Variants in PCGF2 observed in about 807,000 individuals in gnomAD.
PCGF2 encodes the protein polycomb group RING finger protein 2.
PCGF2 carries 8 observed loss-of-function variants against 36.1 expected under a neutral mutation model. The observed-to-expected ratio is 0.22, with a 90% CI of 0.13 to 0.40. PCGF2 has a LOEUF of 0.40. PCGF2 is among the 10% of genes least tolerant of loss of function. PCGF2 has a pLI of 1.00. For missense variants in PCGF2, 436 were observed against 475.9 expected (o/e 0.92, Z 0.78); for synonymous variants, 198 against 191.2 (o/e 1.04, Z -0.29).
At chr17:38,738,662 C>G in intron 7 of PCGF2, 67 bp from the exon 8 acceptor site, 1 of 1,547,996 alleles carries the variant, frequency 6.5e-7, no homozygotes, top group Non-Finnish European at 8.8e-7. Flanking sequence ...GAGGATGATC[C>G]CTCAATGGAC....
intron 2 of PCGF2, among the ~76,000 whole-genome samples, chr17:38,744,813 A>C (rs1442632072): frequency 1.3e-5 from 2 of 152,120 alleles, no homozygotes; most frequent in Non-Finnish European, 2.9e-5. Flanking sequence ...CCTGCCTCCA[A>C]ATGAAATCAG....
chr17:38,740,823 C>T (rs1420047709), intron 2 of PCGF2, among the ~76,000 whole-genome samples: 2 of 152,012 alleles, frequency 1.3e-5, no homozygotes, highest in African/African-American at 4.8e-5. Flanking sequence ...CTCCACACCT[C>T]CCCCCACCAG....
intron 2 of PCGF2, among the ~76,000 whole-genome samples, chr17:38,746,091 G>A (rs534402614): frequency 2.0e-5 from 3 of 152,114 alleles, no homozygotes; most frequent in Non-Finnish European, 4.4e-5. Context: ...ATGGCACAAA[G>A]ATCTGCTCCC....
Position 38,740,537 on chromosome 17 carries a change from A to T in PCGF2, c.-40-95T>A, listed in dbSNP as rs555020817. On this transcript the variant is annotated intron_variant, in intron 2 of 10. Coordinates refer to ENST00000620225, the MANE Select transcript of PCGF2 (RefSeq NM_007144.3). ...CACTTTGGGAGGCCAAGGCGGGCGG[A>T]TCACGAGGTCAGGAGATTGAGACCA... is the stretch of plus-strand genomic sequence containing the variant. The T allele has an allele frequency of 4.9e-6, 4 of 809,922 alleles. No individual in the cohort carries two copies. The South Asian group carries it at 5.3e-5, about 11-fold the overall frequency. The allele number at this position is 809,922 out of a possible 1,614,324, so 50.2% of individuals were successfully genotyped here.
Position 38,738,383 on chromosome 17 carries a change from G to T in PCGF2, c.546C>A (p.Arg182=), listed in dbSNP as rs1440473619. ...MTVMHLAKFL[R]NKMDVPSKYK... ...ACTTGCTGGGCACATCCATCTTGTT[G>T]CGGAGAAACTTGGCAAGATGCATGA... The change falls in exon 9 of 11, where the codon CGC becomes CGA. Residue 182 remains arginine (R), a synonymous_variant. Transcript: ENST00000620225. The T allele has an allele frequency of 6.2e-7, 1 of 1,614,154 alleles. No homozygotes were observed. The highest frequency in any genetic ancestry group is 8.5e-7 in the Non-Finnish European group (1 of 1,180,008).
Position 38,734,926 on chromosome 17 carries a change from A to G in PCGF2, c.*297T>C, listed in dbSNP as rs1906556966. 4.3e-6 allele frequency: 1 copy of G among 232,546 alleles called. No individual in the cohort carries two copies. The highest frequency in any genetic ancestry group is 8.2e-6 in the Non-Finnish European group (1 of 122,308). 14.4% of individuals were successfully genotyped at this position (232,546 alleles called of 1,614,324 possible). A position where few individuals can be genotyped will look rare whatever the true frequency, so the allele number is the denominator to read the frequency against. ...TCCAGTTCATCTCCAGGCACCCCCA[A>G]AAACAGCAAATTACACAAGACCCCC... On this transcript the variant is annotated 3_prime_UTR_variant, in exon 11 of 11. Transcript: ENST00000620225.
chr17:38,744,472 C>T (rs1468500124), intron 2 of PCGF2, among the ~76,000 whole-genome samples: 1 of 152,220 alleles, frequency 6.6e-6, no homozygotes, highest in African/African-American at 2.4e-5. Context: ...TCTCCTGCCT[C>T]AACCTCCCAA....
At position 38,738,577 on chromosome 17, in the gene PCGF2, C is replaced by A; in HGVS notation, c.444G>T (p.Lys148Asn). The A allele has an allele frequency of 6.3e-7, 1 of 1,583,606 alleles. No homozygotes were observed. Among genetic ancestry groups the A allele is most frequent in the East Asian group, 2.2e-5 (1 of 44,592 alleles). The change falls in exon 8 of 11, where the codon AAG becomes AAT. Residue 148 changes from lysine to asparagine, a missense_variant. This residue lies in a region of PCGF2 where 189 missense variants were observed against 219.3 expected (regional missense o/e 0.86). Transcript: ENST00000620225. ...YEGARDRDEK[K>N]GPLENGDGDK... Reference sequence around the variant, plus strand: ...CCCCATCCCCATTCTCCAGGGGGCCCTTCTTCTCGTCCCGGTCCCTGGGGA... The same window carrying A: ...CCCCATCCCCATTCTCCAGGGGGCCATTCTTCTCGTCCCGGTCCCTGGGGA...
intron 3 of PCGF2, 118 bp downstream of exon 3, chr17:38,740,173 C>T (rs922097552): frequency 2.4e-5 from 20 of 838,792 alleles, no homozygotes; most frequent in Middle Eastern, 5.8e-4. Flanking sequence ...CCAGCAGACA[C>T]GTGGGCGCGT....
chr17:38,743,728 A>G (rs900078265), intron 2 of PCGF2, among the ~76,000 whole-genome samples: 45 of 152,202 alleles, frequency 3.0e-4, no homozygotes, highest in African/African-American at 1.1e-3. Flanking sequence ...GCAGGTGCCA[A>G]GAGCAATGTA....
At chr17:38,741,421 A>G (rs1223866645) in intron 2 of PCGF2, among the ~76,000 whole-genome samples, 2 of 152,158 alleles carry the variant, frequency 1.3e-5, no homozygotes, top group Admixed American at 1.3e-4. Flanking sequence ...AAAATAAGTT[A>G]TCCTTACTCC....
rs748930737 is a variant in PCGF2 at position 38,738,737 on chromosome 17, C to G, written c.425+16G>C. Reference sequence around the variant, plus strand: ...AGACTAGGAACCCAGAAGGGGCCAGCCTGGGCCAGACTTGCCTGGCACCTT... The same window carrying G: ...AGACTAGGAACCCAGAAGGGGCCAGGCTGGGCCAGACTTGCCTGGCACCTT... On this transcript the variant is annotated intron_variant, in intron 7 of 10. Coordinates refer to ENST00000620225, the MANE Select transcript of PCGF2 (RefSeq NM_007144.3). The G allele has an allele frequency of 4.4e-6, 7 of 1,602,970 alleles. No individual in the cohort carries two copies. Among genetic ancestry groups the G allele is most frequent in the Non-Finnish European group, 6.0e-6 (7 of 1,170,068 alleles).
chr17:38,736,766 G>A (rs1349389759), intron 9 of PCGF2, among the ~76,000 whole-genome samples: 1 of 151,898 alleles, frequency 6.6e-6, no homozygotes, highest in Non-Finnish European at 1.5e-5. Context: ...CCCGGGAGGC[G>A]GAGCTTGCAG....
intron 2 of PCGF2, among the ~76,000 whole-genome samples, chr17:38,746,785 A>G (rs1907560821): frequency 6.6e-6 from 1 of 152,116 alleles, no homozygotes; most frequent in African/African-American, 2.4e-5. Flanking sequence ...CTTCATTCCA[A>G]AGTCAGTTCT....
intron 2 of PCGF2, among the ~76,000 whole-genome samples, 184 bp from the exon 3 acceptor site, chr17:38,740,626 G>A (rs1219406838): frequency 3.9e-5 from 6 of 152,190 alleles, no homozygotes; most frequent in Non-Finnish European, 8.8e-5. Flanking sequence ...AGGCATGGTG[G>A]TGGGCACCTG....
chr17:38,745,330 TCAAA>T (rs1267120942), intron 2 of PCGF2, among the ~76,000 whole-genome samples: 2 of 151,340 alleles, frequency 1.3e-5, no homozygotes, highest in African/African-American at 2.4e-5. Context: ...AGACTCTGTC[TCAAA>T]CAAACAAACA....
rs1452114686 is a variant in PCGF2, at chr17:38,735,567, G to C, written c.691C>G (p.Pro231Ala). 9 of 1,584,016 alleles carry C rather than the reference G, an allele frequency of 5.7e-6. No individual in the cohort carries two copies. The highest frequency in any genetic ancestry group is 7.7e-6 in the Non-Finnish European group (9 of 1,164,314). ...GPLPLKYRVQ[P>A]ACKRLTLATV... The stretch of plus-strand genomic sequence containing the variant: ...GCTAGGGTGAGCCGCTTGCAGGCTG[G>C]CTGGACACGGTACTTGAGGGGGAGA... Residue 231 changes from proline (P) to alanine (A), a missense_variant, in exon 11 of 11, where the codon CCA becomes GCA. Physicochemically the swap from Pro to Ala is conservative, Grantham distance 27. Around this residue, in one of 3 missense-constraint regions of PCGF2, gnomAD observed 227 missense variants for 212.9 expected, o/e 1.07. Coordinates refer to ENST00000620225, the MANE Select transcript of PCGF2 (RefSeq NM_007144.3).
upstream of PCGF2, among the ~76,000 whole-genome samples, chr17:38,748,987 G>T (rs73293299): frequency 0.057 from 8,715 of 152,248 alleles, 825 homozygotes; most frequent in African/African-American, 0.2. Flanking sequence ...GAGCAATCGC[G>T]AGAGGGGAGT....
At chr17:38,746,025 C>T (rs756771463) in intron 2 of PCGF2, among the ~76,000 whole-genome samples, 3 of 152,078 alleles carry the variant, frequency 2.0e-5, no homozygotes, top group Admixed American at 6.6e-5. Context: ...TGTTTGGGGC[C>T]GTGAGGGTCT....
Sources: gnomAD v4.1 joint callset for allele counts (sites outside exome capture counted in the v4.1 genomes callset) on GRCh38, gnomAD v4.1.1 for gene constraint, gnomAD v4.1.1 regional missense constraint, MANE v1.5 for transcripts, NCBI Gene and HGNC (gene_info 2026-07-23, HGNC 2026-07-21) for gene names.